Variants in PAX3 observed in about 807,000 individuals in gnomAD.
PAX3 encodes the protein paired box protein Pax-3.
Under a neutral mutation model 51.6 loss-of-function variants are expected in PAX3, and 14 were observed. The ratio of observed to expected loss-of-function variants is 0.27; its 90% CI spans 0.18 to 0.42. The LOEUF (loss-of-function observed/expected upper bound fraction) is 0.42, where lower values mean the gene tolerates loss of function less well. Among genes scored for constraint, PAX3 ranks in the 10% least tolerant of loss-of-function variants. The probability of loss-of-function intolerance (pLI) is 1.00; values close to 1 mark genes in which losing one functional copy is unlikely to be tolerated. For missense variants in PAX3, 540 were observed against 642.8 expected (o/e 0.84, Z 1.73); for synonymous variants, 280 against 253.4 (o/e 1.11, Z -1.00).
chr2:222,234,272 A>T (rs914588127), intron 4 of PAX3, among the ~76,000 whole-genome samples: 1 of 152,148 alleles, frequency 6.6e-6, no homozygotes, highest in Non-Finnish European at 1.5e-5. Flanking sequence ...TTTTTCAATT[A>T]TCTAATTTAA....
Position 222,219,377 on chromosome 2 carries a change from T to C in PAX3, c.1173+763A>G, listed in dbSNP as rs7593267. Among the ~76,000 whole-genome samples, 728 of 152,296 alleles carry C rather than the reference T, an allele frequency of 4.8e-3. 4 individuals carry two copies. Among genetic ancestry groups the C allele is most frequent in the African/African-American group, 0.015 (642 of 41,558 alleles). ...TCCTTGCCACCTGGGCCAAGCACTC[T>C]CTAATAAAATCAAGGGATCTGTATT... On this transcript the variant is annotated intron_variant, in intron 7 of 8. Transcript: ENST00000392070.
chr2:222,229,809 A>G (rs1000858548), intron 5 of PAX3, among the ~76,000 whole-genome samples: 7 of 152,206 alleles, frequency 4.6e-5, no homozygotes, highest in Non-Finnish European at 8.8e-5. Context: ...GCCTCTGCTC[A>G]TATAATTCCC....
intron 5 of PAX3, chr2:222,221,770 T>C (rs1157930105): frequency 4.2e-6 from 1 of 238,396 alleles, no homozygotes; most frequent in Non-Finnish European, 8.4e-6. Context: ...GCATGACGCA[T>C]GTCCTAAATG....
chr2:222,202,548 T>C (rs1691341196), intron 7 of PAX3, among the ~76,000 whole-genome samples: 1 of 152,172 alleles, frequency 6.6e-6, no homozygotes. Flanking sequence ...GGAGAAATTG[T>C]ATCTGTTCAT....
At chr2:222,263,364 AG>A (rs1483912649) in intron 4 of PAX3, 1 of 152,216 alleles carries the variant, frequency 6.6e-6, no homozygotes, top group African/African-American at 2.4e-5. Context: ...GGACATGAAA[AG>A]TTGTCCAACA....
intron 5 of PAX3, among the ~76,000 whole-genome samples, chr2:222,230,204 T>C (rs1274685079): frequency 1.3e-5 from 2 of 152,030 alleles, no homozygotes; most frequent in East Asian, 1.9e-4. Flanking sequence ...ATCTGCCTTC[T>C]TCATGTACCT....
intron 4 of PAX3, among the ~76,000 whole-genome samples, chr2:222,254,942 C>T (rs1693583143): frequency 6.6e-6 from 1 of 152,188 alleles, no homozygotes; most frequent in African/African-American, 2.4e-5. Context: ...ACCACCAAGC[C>T]TGGCTAATTT....
chr2:222,274,516 T>A (rs1042964549), intron 4 of PAX3, among the ~76,000 whole-genome samples: 7 of 150,152 alleles, frequency 4.7e-5, no homozygotes, highest in Non-Finnish European at 8.9e-5. Flanking sequence ...ACCACCTCTA[T>A]AAAGGAAGTT....
At chr2:222,290,409 A>C (rs545773421) in intron 4 of PAX3, among the ~76,000 whole-genome samples, 1 of 152,252 alleles carries the variant, frequency 6.6e-6, no homozygotes, top group African/African-American at 2.4e-5. Flanking sequence ...CAGATAGGAA[A>C]GGAATATAAG....
chr2:222,289,005 G>A (rs1327743196), intron 4 of PAX3, among the ~76,000 whole-genome samples: 2 of 152,262 alleles, frequency 1.3e-5, no homozygotes, highest in Non-Finnish European at 2.9e-5. Context: ...TATTTGGCCA[G>A]AGCTGCTGAA....
intron 4 of PAX3, among the ~76,000 whole-genome samples, chr2:222,280,352 A>G (rs1694598109): frequency 2.0e-5 from 3 of 146,686 alleles, no homozygotes; most frequent in Non-Finnish European, 4.5e-5. Flanking sequence ...GGAAAGAAAA[A>G]GAAAGAAAGA....
At position 222,232,127 on chromosome 2, in the gene PAX3, G is replaced by A; in HGVS notation, c.743C>T (p.Thr248Ile). ...CGCCCTCTGGGCCAGTTCCTCCCTA[G>A]TATAAATGTCAGGGTAATGAGTTCT... Reference protein sequence around the residue: ...FERTHYPDIYTREELAQRAKL... With the variant: ...FERTHYPDIYIREELAQRAKL... Residue 248 changes from threonine (T) to isoleucine (I), a missense_variant, in exon 5 of 9, where the codon ACT becomes ATT. Thr to Ile is a moderately conservative substitution (Grantham distance 89, BLOSUM62 -1). Coordinates refer to ENST00000392070, the MANE Select transcript of PAX3 (RefSeq NM_181458.4). 1 of 1,614,024 alleles carries A rather than the reference G, an allele frequency of 6.2e-7. No individual in the cohort carries two copies. The highest frequency in any genetic ancestry group is 2.2e-5 in the East Asian group (1 of 44,874).
intron 4 of PAX3, among the ~76,000 whole-genome samples, chr2:222,291,651 G>C (rs559794507): frequency 3.2e-4 from 49 of 152,202 alleles, no homozygotes; most frequent in African/African-American, 1.1e-3. Flanking sequence ...AACTGGAAAA[G>C]GGCAAGAATA....
In PAX3 at chr2:222,294,203, C is replaced by CCTT; in HGVS notation, c.547_549dup (p.Lys183dup). Reference sequence around the variant, plus strand: ...AGGATGCCGTCGATGCTGTGTTTGGCCTTCTTCTCGCTTTCCTCTGCCTCC... The same window carrying CCTT: ...AGGATGCCGTCGATGCTGTGTTTGGCCTTCTTCTTCTCGCTTTCCTCTGCCTCC... On this transcript the variant is annotated inframe_insertion, in exon 4 of 9. Transcript: ENST00000392070. The CCTT allele has an allele frequency of 1.2e-6, 2 of 1,614,244 alleles. No homozygotes were observed. Among genetic ancestry groups the CCTT allele is most frequent in the Non-Finnish European group, 1.7e-6 (2 of 1,180,040 alleles).
At chr2:222,265,680 A>AAGGAAGGAAGGAAGGAAGGAAGGAAGGG (rs1559296281) in intron 4 of PAX3, among the ~76,000 whole-genome samples, 5 of 149,896 alleles carry the variant, frequency 3.3e-5, no homozygotes, top group African/African-American at 1.2e-4. Context: ...GGAAGGAAGG[A>AAGGAAGGAAGGAAGGAAGGAAGGAAGGG]AGGAAGGAAG....
chr2:222,210,867 T>C (rs547028835), intron 7 of PAX3, among the ~76,000 whole-genome samples: 37 of 152,180 alleles, frequency 2.4e-4, no homozygotes, highest in African/African-American at 8.9e-4. Flanking sequence ...TGTCAGAGAT[T>C]CACATAATTT....
At chr2:222,284,979 T>C (rs2106181394) in intron 4 of PAX3, among the ~76,000 whole-genome samples, 1 of 152,326 alleles carries the variant, frequency 6.6e-6, no homozygotes, top group South Asian at 2.1e-4. Flanking sequence ...GTACTGTGTT[T>C]TTTATAAGGC....
chr2:222,260,578 GTTTTTT>G (rs1345531558), intron 4 of PAX3, among the ~76,000 whole-genome samples: 13 of 61,714 alleles, frequency 2.1e-4, no homozygotes, highest in East Asian at 1.4e-3. Context: ...TTTTTTTTTT[GTTTTTT>G]TTTTTTGTTT....
At chr2:222,263,353 A>C (rs1693934232) in intron 4 of PAX3, 1 of 152,250 alleles carries the variant, frequency 6.6e-6, no homozygotes, top group Non-Finnish European at 1.5e-5. Context: ...TTGGCAAATA[A>C]GGACATGAAA....
Sources: gnomAD v4.1 joint callset for allele counts (sites outside exome capture counted in the v4.1 genomes callset) on GRCh38, gnomAD v4.1.1 for gene constraint, MANE v1.5 for transcripts, NCBI Gene and HGNC (gene_info 2026-07-23, HGNC 2026-07-21) for gene names.